Variants in ULK2 observed in about 807,000 individuals in gnomAD.
ULK2 encodes serine/threonine-protein kinase ULK2.
In ULK2, 76 loss-of-function variants were observed where a neutral mutation model predicts 127.5. The ratio of observed to expected loss-of-function variants is 0.60; its 90% CI spans 0.50 to 0.72. The LOEUF (loss-of-function observed/expected upper bound fraction) is 0.72. Among genes scored for constraint, ULK2 ranks in the 30% least tolerant of loss-of-function variants. The pLI is 0.00. For synonymous variants in ULK2, 452 were observed against 461.9 expected, an observed-to-expected ratio of 0.98 and a Z score of 0.28; for missense variants, 1,144 against 1,295.9, an observed-to-expected ratio of 0.88 and a Z score of 1.80.
At position 19,805,898 on chromosome 17, in the gene ULK2, C is replaced by T. The variant is rs1226387307; in HGVS notation, c.1158-1068G>A. 2.0e-5 allele frequency among the ~76,000 whole-genome samples: 3 copies of T among 152,254 alleles called. No individual in the cohort carries two copies. The East Asian group carries it at 5.8e-4, about 29-fold the overall frequency. On this transcript the variant is annotated intron_variant, in intron 14 of 26. Transcript: ENST00000395544. ...TGTTCAACCACTCTATAGTTAGGAC[C>T]CTGTGGTTTACAGCCAAGTGGAATT...
At position 19,786,188 on chromosome 17, in the gene ULK2, G is replaced by GT; in HGVS notation, c.2102-103_2102-102insA. On this transcript the variant is annotated intron_variant, in intron 20 of 26. Transcript: ENST00000395544. ...CTGACTTTTATATCAGGAGTCTAGTGGTTTTTTTTTTTTCCCTCTTCTTAC... is the reference window on the plus strand; with the variant it reads ...CTGACTTTTATATCAGGAGTCTAGTGTGTTTTTTTTTTTTCCCTCTTCTTAC... The GT allele has an allele frequency of 3.5e-6, 4 of 1,147,578 alleles. No homozygotes were observed. In the East Asian group the frequency reaches 9.3e-5, roughly 27 times the overall value. 71.1% of individuals were successfully genotyped at this position (1,147,578 alleles called of 1,614,324 possible).
At chr17:19,866,971 G>T (rs2042364513) in intron 1 of ULK2, among the ~76,000 whole-genome samples, 2 of 152,002 alleles carry the variant, frequency 1.3e-5, no homozygotes, top group Non-Finnish European at 2.9e-5. Context: ...TGGGCACGGG[G>T]AAAAAAACCA....
chr17:19,788,120 T>C (rs374040155), intron 20 of ULK2, among the ~76,000 whole-genome samples: 4 of 152,030 alleles, frequency 2.6e-5, no homozygotes, highest in Non-Finnish European at 5.9e-5. Flanking sequence ...CGGGTCCAAG[T>C]GAACTTGAAA....
chr17:19,851,158 C>A (rs1406955492), intron 3 of ULK2, among the ~76,000 whole-genome samples: 4 of 136,520 alleles, frequency 2.9e-5, no homozygotes, highest in Admixed American at 7.4e-5. Flanking sequence ...AATAAAAATA[C>A]CAAAAAAAAA....
intron 9 of ULK2, 64 bp from the exon 10 acceptor site, chr17:19,838,647 G>T: frequency 7.1e-7 from 1 of 1,405,030 alleles, no homozygotes; most frequent in Non-Finnish European, 9.9e-7. Context: ...ATTAACTTTT[G>T]CCTTCCATAT....
Position 19,867,523 on chromosome 17 carries a change from T to A in ULK2, c.-106A>T. 1.4e-6 allele frequency: 1 copy of A among 732,842 alleles called. No homozygotes were observed. Among genetic ancestry groups the A allele is most frequent in the Non-Finnish European group, 1.9e-6 (1 of 531,268 alleles). The allele number at this position is 732,842 out of a possible 1,614,324, so 45.4% of individuals were successfully genotyped here. A position where few individuals can be genotyped will look rare whatever the true frequency, so the allele number is the denominator to read the frequency against. On this transcript the variant is annotated 5_prime_UTR_variant, in exon 1 of 27. Transcript: ENST00000395544. Reference sequence around the variant, plus strand: ...GGAGCGCGCCAGCGTGCGGCGGGTCTGGGGCAGCCGCAGCCCCGGGCCCGG... The same window carrying A: ...GGAGCGCGCCAGCGTGCGGCGGGTCAGGGGCAGCCGCAGCCCCGGGCCCGG...
intron 3 of ULK2, among the ~76,000 whole-genome samples, chr17:19,850,548 C>G (rs1207111767): frequency 6.6e-6 from 1 of 152,102 alleles, no homozygotes; most frequent in African/African-American, 2.4e-5. Context: ...AGCTTTTGGC[C>G]AGGCGCGGTG....
intron 9 of ULK2, among the ~76,000 whole-genome samples, chr17:19,841,246 A>C (rs1158225008): frequency 1.3e-5 from 2 of 152,156 alleles, no homozygotes; most frequent in Non-Finnish European, 2.9e-5. Context: ...CCCTCCCCAC[A>C]AGGAACACAT....
At chr17:19,865,027 G>A (rs2042323712) in intron 2 of ULK2, among the ~76,000 whole-genome samples, 183 bp from the exon 3 acceptor site, 1 of 152,086 alleles carries the variant, frequency 6.6e-6, no homozygotes, top group Non-Finnish European at 1.5e-5. Context: ...TTATCTCACT[G>A]AAAGAAAATA....
At chr17:19,847,417 T>C (rs2152398788) in intron 5 of ULK2, among the ~76,000 whole-genome samples, 1 of 152,318 alleles carries the variant, frequency 6.6e-6, no homozygotes, top group East Asian at 1.9e-4. Context: ...ATCTACTCTG[T>C]CCTTTTATCT....
At position 19,801,791 on chromosome 17, in the gene ULK2, G is replaced by A. The variant is rs776241380; in HGVS notation, c.1427C>T (p.Ser476Leu). The A allele has an allele frequency of 1.3e-5, 21 of 1,613,938 alleles. No homozygotes were observed. Among genetic ancestry groups the A allele is most frequent in the Non-Finnish European group, 1.7e-5 (20 of 1,179,952 alleles). ...ACTCTACTTACCCAAAGGGGAAGGT[G>A]AGTAAGGCCTAGAAGACCCAGTGGA... Reference protein sequence around the residue: ...RLSTGSSRPYSPSPLVGTIPE... With the variant: ...RLSTGSSRPYLPSPLVGTIPE... The change falls in exon 16 of 27, where the codon TCA (serine) becomes TTA (leucine). Residue 476 changes from serine to leucine, a missense_variant. Coordinates refer to ENST00000395544, the MANE Select transcript of ULK2 (RefSeq NM_014683.4).
chr17:19,824,894 G>A (rs983481846), intron 12 of ULK2, among the ~76,000 whole-genome samples, 200 bp downstream of exon 12: 3 of 152,130 alleles, frequency 2.0e-5, no homozygotes, highest in African/African-American at 7.2e-5. Context: ...ATTTCTTTCT[G>A]GAGCTTACAC....
intron 20 of ULK2, among the ~76,000 whole-genome samples, chr17:19,789,993 A>G (rs2087117485): frequency 6.6e-6 from 1 of 152,150 alleles, no homozygotes; most frequent in Non-Finnish European, 1.5e-5. Context: ...AATAATAACT[A>G]CAACTTTTCA....
rs116818674 is a variant in ULK2 at position 19,866,846 on chromosome 17, G to A, written c.90+482C>T. Among the ~76,000 whole-genome samples, 776 of 152,262 alleles carry A rather than the reference G, an allele frequency of 5.1e-3. 9 individuals are homozygous for A. The highest frequency in any genetic ancestry group is 0.018 in the African/African-American group (739 of 41,546). ...CGGTACGGGGGCTCTTCGGGGTGCA[G>A]GGGACCAGTGCTGGGAAAGGTGACA... On this transcript the variant is annotated intron_variant, in intron 1 of 26. Coordinates refer to ENST00000395544, the MANE Select transcript of ULK2 (RefSeq NM_014683.4).
intron 3 of ULK2, among the ~76,000 whole-genome samples, chr17:19,853,919 T>TA (rs1339738266): frequency 6.6e-6 from 1 of 152,138 alleles, no homozygotes; most frequent in African/African-American, 2.4e-5. Flanking sequence ...GATTTCAACA[T>TA]ATGAATTTTG....
At chr17:19,827,771 A>G (rs1471993039) in intron 10 of ULK2, among the ~76,000 whole-genome samples, 1 of 152,148 alleles carries the variant, frequency 6.6e-6, no homozygotes, top group Non-Finnish European at 1.5e-5. Flanking sequence ...ATTAACAGGC[A>G]TGGTGGCACA....
chr17:19,836,424 C>CA (rs2041599457), intron 10 of ULK2, among the ~76,000 whole-genome samples: 2 of 140,590 alleles, frequency 1.4e-5, no homozygotes. Flanking sequence ...CACAAACAAG[C>CA]AAAAAAAATT....
In ULK2 at chr17:19,860,650, G is replaced by A. The variant is rs147316543; in HGVS notation, c.225+4153C>T. On this transcript the variant is annotated intron_variant, in intron 3 of 26. Coordinates refer to ENST00000395544, the MANE Select transcript of ULK2 (RefSeq NM_014683.4). ...AGAGATTCTCCTACCTCAGCCTCCC[G>A]AGTAGCTGGGATTACATGCATGTGC... Among the ~76,000 whole-genome samples the A allele has an allele frequency of 6.2e-3, 928 of 150,620 alleles. 2 individuals are homozygous for A. The highest frequency in any genetic ancestry group is 0.012 in the Admixed American group (178 of 14,964).
chr17:19,833,931 G>A (rs1024446314), intron 10 of ULK2, among the ~76,000 whole-genome samples: 1 of 152,112 alleles, frequency 6.6e-6, no homozygotes, highest in South Asian at 2.1e-4. Context: ...CCCAAATTTG[G>A]TGAAAAACAT....
Sources: gnomAD v4.1 joint callset for allele counts (sites outside exome capture counted in the v4.1 genomes callset) on GRCh38, gnomAD v4.1.1 for gene constraint, MANE v1.5 for transcripts, NCBI Gene and HGNC (gene_info 2026-07-23, HGNC 2026-07-21) for gene names.